Variants in CASTOR2 observed in about 807,000 individuals in gnomAD.
CASTOR2 encodes the protein cytosolic arginine sensor for mTORC1 subunit 2.
A neutral mutation model predicts 31.2 loss-of-function variants in CASTOR2; 8 were observed. The observed-to-expected ratio is 0.26, with a 90% CI of 0.15 to 0.46. The LOEUF (loss-of-function observed/expected upper bound fraction) is 0.46, where lower values mean the gene tolerates loss of function less well. CASTOR2 is among the 20% of genes least tolerant of loss of function. The pLI, the probability that CASTOR2 is intolerant of heterozygous loss-of-function variation, is 0.99. For synonymous variants in CASTOR2, 162 were observed against 158.7 expected (o/e 1.02, Z -0.16); for missense variants, 216 against 382.1 (o/e 0.57, Z 3.62).
rs1434760919 is a variant in CASTOR2 at position 74,986,500 on chromosome 7, AAAAAG to A, written c.113+21417_113+21421del. On this transcript the variant is annotated intron_variant, in intron 1 of 8. Transcript: ENST00000616305. ...GGGAGACTCTGTCTCAAAAAAAAAA[AAAAAG>A]AAAAGAAAAGAAAAAAAAAGAACAT... 2.1e-4 allele frequency among the ~76,000 whole-genome samples: 32 copies of A among 151,812 alleles called. No individual in the cohort carries two copies. In the East Asian group the frequency reaches 3.9e-3, roughly 18 times the overall value.
chr7:74,977,187 A>G (rs1554435823), intron 1 of CASTOR2, among the ~76,000 whole-genome samples: 1 of 149,280 alleles, frequency 6.7e-6, no homozygotes, highest in African/African-American at 2.5e-5. Context: ...TCCATCTCAA[A>G]AAAAAAAAAA....
chr7:75,014,491 C>A (rs1360993929), intron 2 of CASTOR2, among the ~76,000 whole-genome samples: 3 of 150,938 alleles, frequency 2.0e-5, no homozygotes, highest in Non-Finnish European at 2.9e-5. Flanking sequence ...ACTCAGGAGG[C>A]TGAGACATGA....
At chr7:74,997,549 C>T (rs1279185152) in intron 1 of CASTOR2, among the ~76,000 whole-genome samples, 8 of 151,944 alleles carry the variant, frequency 5.3e-5, no homozygotes, top group Admixed American at 1.3e-4. Context: ...CTTCAGCCCC[C>T]CAAGTAGCTA....
intron 1 of CASTOR2, among the ~76,000 whole-genome samples, chr7:75,001,716 G>T (rs1423961249): frequency 6.6e-6 from 1 of 152,226 alleles, no homozygotes; most frequent in Non-Finnish European, 1.5e-5. Context: ...TCCATGCCCA[G>T]CCAGTGTCAG....
At chr7:75,018,164 A>G (rs1473232187) in intron 4 of CASTOR2, 42 bp downstream of exon 4, 397 of 1,603,998 alleles carry the variant, frequency 2.5e-4, no homozygotes, top group Middle Eastern at 1.7e-3. Flanking sequence ...AACCTCACGA[A>G]GTTACCAGGC....
Position 75,022,016 on chromosome 7 carries a change from C to T in CASTOR2, c.829+60C>T, listed in dbSNP as rs1805017195. 3 of 1,540,806 alleles carry T rather than the reference C, an allele frequency of 1.9e-6. No homozygotes were observed. In the African/African-American group the frequency reaches 4.1e-5, roughly 21 times the overall value. On this transcript the variant is annotated intron_variant, in intron 7 of 8. Transcript: ENST00000616305. ...GAGCTGGCATTGCTGAGCCCATTCA[C>T]ATACGTTGTCCGCAGTGACTCGGCC...
At chr7:75,014,678 G>A (rs1804828024) in intron 2 of CASTOR2, among the ~76,000 whole-genome samples, 1 of 152,124 alleles carries the variant, frequency 6.6e-6, no homozygotes, top group Non-Finnish European at 1.5e-5. Flanking sequence ...CAGACAGGCT[G>A]CCTGCTCCTG....
chr7:75,022,058 G>C, intron 7 of CASTOR2, 102 bp downstream of exon 7: 1 of 1,387,892 alleles, frequency 7.2e-7, no homozygotes, highest in Non-Finnish European at 1.0e-6. Context: ...GGGGGGTACA[G>C]ATGGGGAGAC....
chr7:75,013,533 C>T (rs1804799410), intron 2 of CASTOR2, among the ~76,000 whole-genome samples: 2 of 152,038 alleles, frequency 1.3e-5, no homozygotes, highest in Non-Finnish European at 2.9e-5. Context: ...GTCCCAGCTA[C>T]TCGGTGGGCT....
At chr7:75,014,110 TG>T (rs1426496697) in intron 2 of CASTOR2, among the ~76,000 whole-genome samples, 4 of 152,078 alleles carry the variant, frequency 2.6e-5, no homozygotes, top group Non-Finnish European at 4.4e-5. Flanking sequence ...CTCTGGGTAA[TG>T]GGTAGAAGCT....
chr7:74,985,360 G>T (rs1289535193), intron 1 of CASTOR2, among the ~76,000 whole-genome samples: 1 of 151,894 alleles, frequency 6.6e-6, no homozygotes, highest in Non-Finnish European at 1.5e-5. Context: ...TGATGGAGTT[G>T]CTTGGGCTTA....
chr7:74,989,954 A>G (rs2131929415), intron 1 of CASTOR2, among the ~76,000 whole-genome samples: 1 of 152,228 alleles, frequency 6.6e-6, no homozygotes, highest in East Asian at 1.9e-4. Flanking sequence ...ACTTGCCAAA[A>G]GTCATCTAAT....
At chr7:74,975,297 G>A (rs1228943102) in intron 1 of CASTOR2, among the ~76,000 whole-genome samples, 3 of 151,000 alleles carry the variant, frequency 2.0e-5, no homozygotes, top group Non-Finnish European at 4.4e-5. Context: ...TTTTTGTACA[G>A]AGGGGGTCTC....
intron 1 of CASTOR2, among the ~76,000 whole-genome samples, chr7:74,995,976 T>C (rs1584467341): frequency 6.6e-6 from 1 of 150,982 alleles, no homozygotes; most frequent in East Asian, 1.9e-4. Flanking sequence ...AGACCTTATC[T>C]CAAAAAAAAA....
In CASTOR2 at chr7:75,018,134, G is replaced by A; in HGVS notation, c.511+12G>A. ...GAAGCCCAAGCTGGGTGAGCTGGGG[G>A]CGGGGGTTTGTGCAGGGGAAACCTC... On this transcript the variant is annotated intron_variant, in intron 4 of 8. Transcript: ENST00000616305. The A allele has an allele frequency of 6.2e-7, 1 of 1,613,524 alleles. No individual in the cohort carries two copies. Among genetic ancestry groups the A allele is most frequent in the Non-Finnish European group, 8.5e-7 (1 of 1,179,642 alleles).
intron 1 of CASTOR2, among the ~76,000 whole-genome samples, chr7:74,987,529 G>A (rs1395815776): frequency 1.3e-5 from 2 of 152,026 alleles, no homozygotes; most frequent in South Asian, 2.1e-4. Flanking sequence ...CCTTTCTCCC[G>A]CAGAGGGCAG....
chr7:75,004,042 C>T (rs1276687975), intron 1 of CASTOR2, among the ~76,000 whole-genome samples: 2 of 152,130 alleles, frequency 1.3e-5, no homozygotes, highest in African/African-American at 2.4e-5. Flanking sequence ...TGGAGTGTCC[C>T]TCAGAGCCGA....
rs2523306 is a variant in CASTOR2, at chr7:74,964,970, G to C, written c.-16G>C. On this transcript the variant is annotated 5_prime_UTR_variant, in exon 1 of 9. Coordinates refer to ENST00000616305, the MANE Select transcript of CASTOR2 (RefSeq NM_001145064.3). ...CCCCCGCGGATGAGCCGCCGCGGAC[G>C]GGGCGCGGGCGGACGATGGAACTCC... is the stretch of plus-strand genomic sequence containing the variant. 1.6e-4 allele frequency: 1 copy of C among 6,140 alleles called. No homozygotes were observed. The highest frequency in any genetic ancestry group is 6.9e-4 in the African/African-American group (1 of 1,452). 0.4% of individuals were successfully genotyped at this position (6,140 alleles called of 1,614,324 possible).
chr7:74,990,517 G>A (rs1202849525), intron 1 of CASTOR2, among the ~76,000 whole-genome samples: 3 of 151,718 alleles, frequency 2.0e-5, no homozygotes, highest in African/African-American at 7.3e-5. Context: ...CAGGAGTTCA[G>A]GACCAGCTTG....
Sources: gnomAD v4.1 joint callset for allele counts (sites outside exome capture counted in the v4.1 genomes callset) on GRCh38, gnomAD v4.1.1 for gene constraint, MANE v1.5 for transcripts, NCBI Gene and HGNC (gene_info 2026-07-23, HGNC 2026-07-21) for gene names.